The following CSGALNACT1 variants were observed in gnomAD, a reference collection of about 807,000 sequenced individuals.
CSGALNACT1 encodes the protein beta4GalNAcT-1.
CSGALNACT1 carries 52 observed loss-of-function variants against 51.0 expected under a neutral mutation model. The ratio of observed to expected loss-of-function variants is 1.02; its 90% CI spans 0.82 to 1.29. The LOEUF (loss-of-function observed/expected upper bound fraction) is 1.29, where lower values mean the gene tolerates loss of function less well. CSGALNACT1 is among the 50% of genes most tolerant of loss of function. CSGALNACT1 has a pLI of 0.00. For missense variants in CSGALNACT1, 935 were observed against 679.2 expected (o/e 1.38, Z -4.19); for synonymous variants, 341 against 254.4 (o/e 1.34, Z -3.24).
intron 4 of CSGALNACT1, among the ~76,000 whole-genome samples, chr8:19,460,897 G>C (rs1314968380): frequency 6.6e-6 from 1 of 152,046 alleles, no homozygotes; most frequent in Non-Finnish European, 1.5e-5. Context: ...GGATTTCTTT[G>C]AGGTGCCACA....
intron 4 of CSGALNACT1, among the ~76,000 whole-genome samples, chr8:19,492,926 G>T (rs1370431887): frequency 6.6e-6 from 1 of 151,768 alleles, no homozygotes; most frequent in Non-Finnish European, 1.5e-5. Flanking sequence ...CTTTTAGTTT[G>T]TGCCCTGCCT....
chr8:19,596,178 T>C (rs2048856784), intron 2 of CSGALNACT1, among the ~76,000 whole-genome samples: 2 of 152,124 alleles, frequency 1.3e-5, no homozygotes, highest in East Asian at 1.9e-4. Flanking sequence ...TCATTTTCAG[T>C]TCCTCAGGAA....
At chr8:19,631,508 C>A (rs187456342) in intron 1 of CSGALNACT1, among the ~76,000 whole-genome samples, 1 of 152,328 alleles carries the variant, frequency 6.6e-6, no homozygotes, top group East Asian at 1.9e-4. Flanking sequence ...CTGCAATTGT[C>A]ATTTTCAGAA....
At chr8:19,564,800 G>C (rs1286574361) in intron 3 of CSGALNACT1, among the ~76,000 whole-genome samples, 1 of 152,030 alleles carries the variant, frequency 6.6e-6, no homozygotes, top group African/African-American at 2.4e-5. Flanking sequence ...TTTTTTAATT[G>C]GCTACCTTGC....
chr8:19,685,592 C>T (rs187036293), upstream of CSGALNACT1, among the ~76,000 whole-genome samples: 3 of 152,306 alleles, frequency 2.0e-5, no homozygotes, highest in East Asian at 1.9e-4. Flanking sequence ...TTAAAAGGAA[C>T]GGTTTCAAAG....
intron 1 of CSGALNACT1, chr8:19,678,595 GA>G: frequency 6.6e-6 from 1 of 152,308 alleles, no homozygotes; most frequent in Non-Finnish European, 1.5e-5. Context: ...CAGTGTAAAG[GA>G]AAATGTCAAC....
chr8:19,746,695 C>G (rs573998312), intron 1 of CSGALNACT1, among the ~76,000 whole-genome samples: 2 of 152,338 alleles, frequency 1.3e-5, no homozygotes, highest in South Asian at 2.1e-4. Flanking sequence ...CCAACTCCAA[C>G]ATGTTATTGA....
At chr8:19,490,943 T>G (rs954330740) in intron 4 of CSGALNACT1, among the ~76,000 whole-genome samples, 1 of 152,208 alleles carries the variant, frequency 6.6e-6, no homozygotes, top group Non-Finnish European at 1.5e-5. Context: ...TCTGTCACGT[T>G]TAGAATCAAA....
At chr8:19,720,334 G>C (rs761968974) in intron 1 of CSGALNACT1, among the ~76,000 whole-genome samples, 1 of 152,206 alleles carries the variant, frequency 6.6e-6, no homozygotes, top group Non-Finnish European at 1.5e-5. Context: ...TCATGTATCA[G>C]GGAGAGATAA....
chr8:19,601,183 G>C (rs1410358588), intron 2 of CSGALNACT1, among the ~76,000 whole-genome samples: 1 of 152,096 alleles, frequency 6.6e-6, no homozygotes, highest in East Asian at 1.9e-4. Flanking sequence ...ACATTCCAGA[G>C]ATTTTCATTT....
At chr8:19,565,397 A>G (rs895423604) in intron 3 of CSGALNACT1, among the ~76,000 whole-genome samples, 3 of 152,212 alleles carry the variant, frequency 2.0e-5, no homozygotes, top group African/African-American at 7.2e-5. Flanking sequence ...CAAAACTAAT[A>G]AAGTCCTCAA....
At chr8:19,539,466 C>T (rs2084561530) in intron 3 of CSGALNACT1, among the ~76,000 whole-genome samples, 1 of 152,274 alleles carries the variant, frequency 6.6e-6, no homozygotes, top group East Asian at 1.9e-4. Context: ...AGCACAGGGC[C>T]TGGCATATAG....
At chr8:19,623,249 C>T (rs1201804817) in intron 1 of CSGALNACT1, among the ~76,000 whole-genome samples, 3 of 151,994 alleles carry the variant, frequency 2.0e-5, no homozygotes, top group Non-Finnish European at 2.9e-5. Flanking sequence ...AATAACATGT[C>T]CTTGAGACAA....
intron 6 of CSGALNACT1, among the ~76,000 whole-genome samples, chr8:19,434,798 AT>A (rs2060131582): frequency 6.6e-6 from 1 of 151,964 alleles, no homozygotes; most frequent in Admixed American, 6.6e-5. Context: ...AGCTTATTTC[AT>A]TTTAGCAAAT....
In CSGALNACT1 at chr8:19,656,895, G is replaced by A. The variant is rs192472624; in HGVS notation, c.-544+25578C>T. ...AGCCTGGCCAACATGGTGAAACCCT[G>A]TTTCTATTAAAAATACAAAAATTAG... On this transcript the variant is annotated intron_variant, in intron 1 of 9. Coordinates refer to the CSGALNACT1 transcript ENST00000332246. 2.6e-3 allele frequency among the ~76,000 whole-genome samples: 401 copies of A among 151,868 alleles called. 9 individuals carry two copies. In the South Asian group the frequency reaches 0.052, roughly 20 times the overall value.
intron 1 of CSGALNACT1, among the ~76,000 whole-genome samples, chr8:19,618,465 GT>G (rs1340704627): frequency 6.6e-6 from 1 of 151,462 alleles, no homozygotes; most frequent in African/African-American, 2.4e-5. Context: ...ACATGGTGAA[GT>G]CACAACTCTA....
At chr8:19,633,461 C>T (rs146086535) in intron 1 of CSGALNACT1, among the ~76,000 whole-genome samples, 4 of 152,266 alleles carry the variant, frequency 2.6e-5, no homozygotes, top group African/African-American at 9.6e-5. Flanking sequence ...ATAGGCTCAT[C>T]GCAGATATAA....
intron 6 of CSGALNACT1, among the ~76,000 whole-genome samples, chr8:19,425,160 T>C (rs1430342912): frequency 6.6e-6 from 1 of 152,098 alleles, no homozygotes. Flanking sequence ...CTGACCAACA[T>C]GGTGAAACCC....
intron 3 of CSGALNACT1, among the ~76,000 whole-genome samples, chr8:19,508,949 T>G (rs771824191): frequency 5.3e-5 from 8 of 152,190 alleles, no homozygotes; most frequent in Non-Finnish European, 1.0e-4. Flanking sequence ...AGTATAAATT[T>G]CAAAGTTATT....
Sources: allele counts gnomAD v4.1 joint callset (sites outside exome capture counted in the v4.1 genomes callset), GRCh38; gene constraint gnomAD v4.1.1; transcripts MANE v1.5; gene names NCBI Gene and HGNC (gene_info 2026-07-23, HGNC 2026-07-21).